Variants in CDC42BPG observed in about 807,000 individuals in gnomAD.
CDC42BPG encodes serine/threonine-protein kinase MRCK gamma.
In CDC42BPG, 157 loss-of-function variants were observed where a neutral mutation model predicts 192.2. The ratio of observed to expected loss-of-function variants is 0.82; its 90% CI spans 0.72 to 0.93. CDC42BPG has a LOEUF of 0.93. CDC42BPG is among the 40% of genes least tolerant of loss of function. The pLI, the probability that CDC42BPG is intolerant of heterozygous loss-of-function variation, is 0.00. For synonymous variants in CDC42BPG, 981 were observed against 918.5 expected (o/e 1.07, Z -1.23); for missense variants, 1,992 against 2,122.1 (o/e 0.94, Z 1.20).
intron 6 of CDC42BPG, 60 bp from the exon 7 acceptor site, chr11:64,839,293 T>C (rs676977): frequency 1 from 1,595,298 of 1,595,992 alleles, 797,307 homozygotes; most frequent in East Asian, 1. Flanking sequence ...GACTGCTGGC[T>C]CCTCGCGATG....
At position 64,836,804 on chromosome 11, in the gene CDC42BPG, G is replaced by A; in HGVS notation, c.1319C>T (p.Pro440Leu). 1 of 1,605,226 alleles carries A rather than the reference G, an allele frequency of 6.2e-7. No individual in the cohort carries two copies. The highest frequency in any genetic ancestry group is 2.2e-5 in the East Asian group (1 of 44,558). The stretch of plus-strand genomic sequence containing the variant: ...CTGCTCCAGCTCCCGATGGTCTGTG[G>A]GGGCGTGCAGGGCCTCTGGAGGGGA... ...SRKHQEALHA[P>L]TDHRELEQLR... is the part of the protein sequence containing the mutation. Residue 440 changes from proline to leucine, a missense_variant, in exon 11 of 37, where the codon CCC becomes CTC. By Grantham distance (98) the Pro-to-Leu change is moderately conservative (BLOSUM62 -3). This residue lies in a region of CDC42BPG where 1,656 missense variants were observed against 1,844.3 expected (regional missense o/e 0.90). Transcript: ENST00000342711.
chr11:64,833,068 G>T, intron 24 of CDC42BPG, 109 bp from the exon 25 acceptor site: 1 of 1,374,396 alleles, frequency 7.3e-7, no homozygotes, highest in South Asian at 1.4e-5. Context: ...GGTGGCACCC[G>T]AACTGTCCCC....
chr11:64,840,012 T>C, intron 5 of CDC42BPG, 108 bp downstream of exon 5: 1 of 1,124,612 alleles, frequency 8.9e-7, no homozygotes, highest in South Asian at 1.5e-5. Context: ...CCCAGAGAAG[T>C]GCCTGGCACA....
chr11:64,832,317 G>A lies in CDC42BPG; in HGVS notation c.3087+111C>T, dbSNP rs113818174. 45 of 1,106,810 alleles carry A rather than the reference G, an allele frequency of 4.1e-5. No individual in the cohort carries two copies. The African/African-American group carries it at 4.6e-4, about 11-fold the overall frequency. 68.6% of individuals were successfully genotyped at this position (1,106,810 alleles called of 1,614,324 possible). ...CAGGTGCTCACGTGGAAAGCGTGCT[G>A]TGGTTGTGGGCTGGCCCAAGAGGGC... is the stretch of plus-strand genomic sequence containing the variant. On this transcript the variant is annotated intron_variant, in intron 27 of 36. Coordinates refer to ENST00000342711, the MANE Select transcript of CDC42BPG (RefSeq NM_017525.3).
At chr11:64,832,791 C>CA in intron 25 of CDC42BPG, 35 bp downstream of exon 25, 1 of 1,592,466 alleles carries the variant, frequency 6.3e-7, no homozygotes, top group Non-Finnish European at 8.5e-7. Flanking sequence ...CTCAGCCCCC[C>CA]ATGCCCATCT....
chr11:64,834,770 T>G lies in CDC42BPG; in HGVS notation c.2175+79A>C, dbSNP rs1942892447. 7 of 1,438,752 alleles carry G rather than the reference T, an allele frequency of 4.9e-6. No individual in the cohort carries two copies. The East Asian group carries it at 1.6e-4, about 33-fold the overall frequency. 89.1% of individuals were successfully genotyped at this position (1,438,752 alleles called of 1,614,324 possible). On this transcript the variant is annotated intron_variant, in intron 18 of 36. Transcript: ENST00000342711. ...GGTGTCCCCACCTCCAGTAGTGACC[T>G]TCAGTAGCAGGGATGCTGAGCTCAC...
intron 20 of CDC42BPG, 133 bp downstream of exon 20, chr11:64,834,133 G>C (rs1049500495): frequency 2.9e-6 from 4 of 1,374,544 alleles, no homozygotes; most frequent in Non-Finnish European, 4.1e-6. Context: ...GGTCACAGAT[G>C]ATGGAGTAAG....
In CDC42BPG at chr11:64,831,626, C is replaced by A. The variant is rs144242802; in HGVS notation, c.3183G>T (p.Leu1061=). Residue 1061 remains leucine, a synonymous_variant, in exon 28 of 37, where the codon CTG becomes CTT. Transcript: ENST00000342711. Reference sequence around the variant, plus strand: ...CCAGCAGCAGCCGCTGCAGCTCACCCAGCACCTGCAGCCAGCGTTCCCGCT... The same window carrying A: ...CCAGCAGCAGCCGCTGCAGCTCACCAAGCACCTGCAGCCAGCGTTCCCGCT... ...EGERERWLQV[L]GELQRLLLDA... 4.3e-6 allele frequency: 7 copies of A among 1,611,640 alleles called. No individual in the cohort carries two copies. Among genetic ancestry groups the A allele is most frequent in the Non-Finnish European group, 5.9e-6 (7 of 1,179,812 alleles).
intron 30 of CDC42BPG, among the ~76,000 whole-genome samples, chr11:64,828,419 T>A (rs949502967): frequency 6.6e-6 from 1 of 152,032 alleles, no homozygotes; most frequent in African/African-American, 2.4e-5. Flanking sequence ...ACCAAGCCAG[T>A]CATGAAGTGG....
intron 30 of CDC42BPG, among the ~76,000 whole-genome samples, chr11:64,828,716 C>T (rs1476103203): frequency 6.6e-6 from 1 of 152,120 alleles, no homozygotes; most frequent in African/African-American, 2.4e-5. Flanking sequence ...GAGTTTGAGA[C>T]TCCCAGCCTG....
At position 64,844,596 on chromosome 11, in the gene CDC42BPG, G is replaced by A. The variant is rs1486588327; in HGVS notation, c.-27C>T. Reference sequence around the variant, plus strand: ...GCTGCGGCCGGAGCCTCGCTGCTCGGCTACAGTCTGGCCGCCCGCATGCCC... The same window carrying A: ...GCTGCGGCCGGAGCCTCGCTGCTCGACTACAGTCTGGCCGCCCGCATGCCC... On this transcript the variant is annotated 5_prime_UTR_variant, in exon 1 of 37. Coordinates refer to ENST00000342711, the MANE Select transcript of CDC42BPG (RefSeq NM_017525.3). 1.6e-6 allele frequency: 2 copies of A among 1,248,456 alleles called. No homozygotes were observed. Among genetic ancestry groups the A allele is most frequent in the Non-Finnish European group, 2.0e-6 (2 of 996,464 alleles). 77.3% of individuals were successfully genotyped at this position (1,248,456 alleles called of 1,614,324 possible). A position where few individuals can be genotyped will look rare whatever the true frequency, so the allele number is the denominator to read the frequency against.
chr11:64,837,108 G>T, intron 9 of CDC42BPG, 89 bp from the exon 10 acceptor site: 1 of 1,169,528 alleles, frequency 8.6e-7, no homozygotes, highest in Non-Finnish European at 1.3e-6. Context: ...CTCATTAATT[G>T]TGAAACAGCC....
At chr11:64,842,146 G>A (rs1943310106) in intron 1 of CDC42BPG, among the ~76,000 whole-genome samples, 1 of 152,140 alleles carries the variant, frequency 6.6e-6, no homozygotes, top group Non-Finnish European at 1.5e-5. Flanking sequence ...CTGGACCCCT[G>A]GCCCCAGACT....
chr11:64,830,432 G>A, intron 28 of CDC42BPG, 176 bp from the exon 29 acceptor site: 2 of 657,182 alleles, frequency 3.0e-6, no homozygotes, highest in Non-Finnish European at 5.4e-6. Context: ...TTTCCAGAGG[G>A]GTTGGGGTGA....
In CDC42BPG at chr11:64,824,351, C is replaced by G. The variant is rs1942340347; in HGVS notation, c.*122G>C. 5 of 804,196 alleles carry G rather than the reference C, an allele frequency of 6.2e-6. No homozygotes were observed. The highest frequency in any genetic ancestry group is 1.1e-5 in the Non-Finnish European group (5 of 445,940). 49.8% of individuals were successfully genotyped at this position (804,196 alleles called of 1,614,324 possible). A position where few individuals can be genotyped will look rare whatever the true frequency, so the allele number is the denominator to read the frequency against. On this transcript the variant is annotated 3_prime_UTR_variant, in exon 37 of 37. Coordinates refer to ENST00000342711, the MANE Select transcript of CDC42BPG (RefSeq NM_017525.3). The stretch of plus-strand genomic sequence containing the variant: ...GGCAAGTCTCCCAGTCATTGCCCAG[C>G]CCGGGTCCTCCCTGAGTCCGAATTT...
Position 64,827,534 on chromosome 11 carries a change from C to G in CDC42BPG, c.4143G>C (p.Gln1381His), listed in dbSNP as rs1942489471. ...ACACACGCACTCCCTCACCTGCCAG[C>G]TGGTTCCTGAGGTAGGTCAGGCGGA... ...EKVRLTYLRN[Q>H]LAEKDEFDIP... The change falls in exon 32 of 37, where the codon CAG becomes CAC. Residue 1381 changes from glutamine (Q) to histidine (H), a missense_variant. Transcript: ENST00000342711. The G allele has an allele frequency of 6.2e-7, 1 of 1,612,094 alleles. No homozygotes were observed.
rs772987595 is a variant in CDC42BPG, at chr11:64,826,765, G to A, written c.4419C>T (p.Arg1473=). 6 of 1,527,748 alleles carry A rather than the reference G, an allele frequency of 3.9e-6. No individual in the cohort carries two copies. Among genetic ancestry groups the A allele is most frequent in the South Asian group, 2.5e-5 (2 of 80,852 alleles). The allele number at this position is 1,527,748 out of a possible 1,614,324, so 94.6% of individuals were successfully genotyped here. A position where few individuals can be genotyped will look rare whatever the true frequency, so the allele number is the denominator to read the frequency against. Residue 1473 remains arginine, a synonymous_variant, in exon 35 of 37, where the codon CGC becomes CGT. Transcript: ENST00000342711. The part of the protein sequence containing the change: ...PAPEEKGRVA[R]GSGPQRPHSF... ...TGTGGGGCCGCTGTGGGCCGGAGCC[G>A]CGGGCAACTCGGCCCTTCTCTTCGG...
At chr11:64,843,755 C>G (rs1050556808) in intron 1 of CDC42BPG, among the ~76,000 whole-genome samples, 1 of 152,248 alleles carries the variant, frequency 6.6e-6, no homozygotes, top group East Asian at 1.9e-4. Flanking sequence ...GGCCCCCCTC[C>G]CCGGCCCCGG....
intron 36 of CDC42BPG, among the ~76,000 whole-genome samples, chr11:64,826,196 C>G (rs1942408024): frequency 6.6e-6 from 1 of 152,024 alleles, no homozygotes; most frequent in African/African-American, 2.4e-5. Flanking sequence ...CATCATTTTA[C>G]AGGTAAGACA....
Sources: gnomAD v4.1 joint callset for allele counts (sites outside exome capture counted in the v4.1 genomes callset) on GRCh38, gnomAD v4.1.1 for gene constraint, gnomAD v4.1.1 regional missense constraint, MANE v1.5 for transcripts, NCBI Gene and HGNC (gene_info 2026-07-23, HGNC 2026-07-21) for gene names.